The following TOP2B variants were observed in gnomAD, a reference collection of about 807,000 sequenced individuals.
The protein encoded by TOP2B is DNA topoisomerase II beta, also known as DNA topoisomerase 2-beta.
Under a neutral mutation model 193.5 loss-of-function variants are expected in TOP2B, and 51 were observed. The ratio of observed to expected loss-of-function variants is 0.26; its 90% CI spans 0.21 to 0.33. The LOEUF (loss-of-function observed/expected upper bound fraction) is 0.33. Ranked by LOEUF, TOP2B falls within the 10% of genes least tolerant of loss-of-function variation. TOP2B has a pLI of 1.00. For synonymous variants in TOP2B, 634 were observed against 635.7 expected (o/e 1.00, Z 0.04); for missense variants, 1,378 against 1,909.3 (o/e 0.72, Z 5.19).
At chr3:25,631,804 A>G (rs1480264737) in intron 10 of TOP2B, among the ~76,000 whole-genome samples, 1 of 152,084 alleles carries the variant, frequency 6.6e-6, no homozygotes, top group East Asian at 1.9e-4. Flanking sequence ...CTATTTCTAC[A>G]GGCCTTAAGT....
At chr3:25,639,138 A>G (rs1489432912) in intron 4 of TOP2B, among the ~76,000 whole-genome samples, 1 of 152,184 alleles carries the variant, frequency 6.6e-6, no homozygotes, top group African/African-American at 2.4e-5. Context: ...AAAGACATAA[A>G]ATAGTATATA....
intron 10 of TOP2B, 67 bp from the exon 11 acceptor site, chr3:25,631,006 G>A (rs1177582748): frequency 5.2e-6 from 7 of 1,354,662 alleles, no homozygotes; most frequent in Non-Finnish European, 4.9e-6. Flanking sequence ...AAATGTATAG[G>A]GCCTAATGCA....
rs951954452 is a variant in TOP2B at position 25,620,912 on chromosome 3, G to A, written c.2728-96C>T. 42 of 1,310,124 alleles carry A rather than the reference G, an allele frequency of 3.2e-5. 1 individual carries two copies. In the South Asian group the frequency reaches 6.2e-4, roughly 19 times the overall value. The allele number at this position is 1,310,124 out of a possible 1,614,324, so 81.2% of individuals were successfully genotyped here. ...TTGACAGATTAACACAACTGAAACAGAATTTCTCATCCTCAATTGTCCCTT... is the reference window on the plus strand; with the variant it reads ...TTGACAGATTAACACAACTGAAACAAAATTTCTCATCCTCAATTGTCCCTT... On this transcript the variant is annotated intron_variant, in intron 21 of 35. Coordinates refer to ENST00000264331, the MANE Select transcript of TOP2B (RefSeq NM_001330700.2).
chr3:25,648,827 A>C (rs1231059128), intron 1 of TOP2B, among the ~76,000 whole-genome samples: 1 of 152,156 alleles, frequency 6.6e-6, no homozygotes, highest in African/African-American at 2.4e-5. Context: ...ACACAACTGT[A>C]CTCCAGCCTG....
intron 18 of TOP2B, 35 bp downstream of exon 18, chr3:25,626,525 A>G (rs1049558139): frequency 1.7e-6 from 2 of 1,177,222 alleles, no homozygotes; most frequent in Non-Finnish European, 2.4e-6. Flanking sequence ...TATAGTAAAT[A>G]ACATTAAAAA....
chr3:25,651,123 C>T (rs1048899423), intron 1 of TOP2B, among the ~76,000 whole-genome samples: 1 of 152,046 alleles, frequency 6.6e-6, no homozygotes, highest in South Asian at 2.1e-4. Flanking sequence ...TATTTGTATA[C>T]AGACAAATAT....
intron 25 of TOP2B, among the ~76,000 whole-genome samples, chr3:25,616,428 A>AG (rs1702507236): frequency 6.6e-6 from 1 of 151,220 alleles, no homozygotes; most frequent in African/African-American, 2.4e-5. Flanking sequence ...AAAAAAAAAA[A>AG]GCTTTATAAT....
rs1701960291 is a variant in TOP2B, at chr3:25,598,039, T to TAACC, written c.*264_*267dup. 1 of 247,096 alleles carries TAACC rather than the reference T, an allele frequency of 4.0e-6. No individual in the cohort carries two copies. Among genetic ancestry groups the TAACC allele is most frequent in the Admixed American group, 5.4e-5 (1 of 18,388 alleles). 15.3% of individuals were successfully genotyped at this position (247,096 alleles called of 1,614,324 possible). The stretch of plus-strand genomic sequence containing the variant: ...TTTCAAAAAGCAGGTCTGTAGTTTG[T>TAACC]AACCATGACAATTAAAATCTGTGCT... On this transcript the variant is annotated 3_prime_UTR_variant, in exon 36 of 36. Coordinates refer to ENST00000264331, the MANE Select transcript of TOP2B (RefSeq NM_001330700.2).
At chr3:25,662,179 CTTAT>C (rs1328667900) in intron 1 of TOP2B, among the ~76,000 whole-genome samples, 1 of 152,146 alleles carries the variant, frequency 6.6e-6, no homozygotes, top group East Asian at 1.9e-4. Context: ...TCAATGCAAC[CTTAT>C]TTGACAGATA....
chr3:25,662,082 T>C (rs1024472019), intron 1 of TOP2B, among the ~76,000 whole-genome samples: 2 of 152,232 alleles, frequency 1.3e-5, no homozygotes, highest in Non-Finnish European at 2.9e-5. Flanking sequence ...CAATCTATTA[T>C]TTGAGTGTGC....
At chr3:25,601,342 G>A (rs1702089559) in intron 33 of TOP2B, 117 bp from the exon 34 acceptor site, 2 of 1,286,706 alleles carry the variant, frequency 1.6e-6, no homozygotes, top group Non-Finnish European at 2.1e-6. Flanking sequence ...GCCTGGCTGG[G>A]CGTGGTGGCT....
chr3:25,606,951 A>G (rs1326529249), intron 31 of TOP2B, among the ~76,000 whole-genome samples: 2 of 152,218 alleles, frequency 1.3e-5, no homozygotes, highest in Admixed American at 6.5e-5. Flanking sequence ...ACGAAGCCTA[A>G]AACATTTACT....
intron 4 of TOP2B, among the ~76,000 whole-genome samples, chr3:25,641,777 C>G (rs531262863): frequency 7.2e-4 from 110 of 152,110 alleles, no homozygotes; most frequent in African/African-American, 2.6e-3. Flanking sequence ...TAATATTTTA[C>G]AAAAGGCATG....
chr3:25,615,762 A>G (rs1344421188), intron 25 of TOP2B, 176 bp from the exon 26 acceptor site: 2 of 486,442 alleles, frequency 4.1e-6, no homozygotes, highest in Non-Finnish European at 6.6e-6. Context: ...AAAAAGTTTA[A>G]AATTTTCTAA....
chr3:25,602,598 A>C (rs1371847542), intron 33 of TOP2B, among the ~76,000 whole-genome samples: 1 of 151,892 alleles, frequency 6.6e-6, no homozygotes, highest in African/African-American at 2.4e-5. Flanking sequence ...GAGCAGGAGG[A>C]GCCCTAGGAA....
chr3:25,647,151 T>G (rs1703434415), intron 1 of TOP2B, among the ~76,000 whole-genome samples: 2 of 152,196 alleles, frequency 1.3e-5, no homozygotes, highest in Non-Finnish European at 2.9e-5. Flanking sequence ...AAATACCAGA[T>G]AGTCTTCAAA....
In TOP2B at chr3:25,664,680, G is replaced by A; in HGVS notation, c.-383C>T. 2.0e-6 allele frequency: 2 copies of A among 985,028 alleles called. No individual in the cohort carries two copies. The highest frequency in any genetic ancestry group is 2.4e-6 in the Non-Finnish European group (2 of 829,784). 61.0% of individuals were successfully genotyped at this position (985,028 alleles called of 1,614,324 possible). On this transcript the variant is annotated 5_prime_UTR_variant, in exon 1 of 36. Transcript: ENST00000264331. ...GCGGCCGGGGAGCCCGAGGCGCTCG[G>A]ACGTGGCGAGGACGCAGAGGTGCCT...
chr3:25,652,019 C>T (rs1397765662), intron 1 of TOP2B, among the ~76,000 whole-genome samples: 5 of 152,102 alleles, frequency 3.3e-5, no homozygotes, highest in Admixed American at 3.3e-4. Flanking sequence ...AAAGATATTC[C>T]AGAAAACTGG....
chr3:25,654,315 A>T (rs1426524476), intron 1 of TOP2B, among the ~76,000 whole-genome samples: 1 of 152,212 alleles, frequency 6.6e-6, no homozygotes, highest in Non-Finnish European at 1.5e-5. Flanking sequence ...AAAGGAAATT[A>T]TGAAAACAAT....
Sources: allele counts gnomAD v4.1 joint callset (sites outside exome capture counted in the v4.1 genomes callset), GRCh38; gene constraint gnomAD v4.1.1; transcripts MANE v1.5; gene names NCBI Gene and HGNC (gene_info 2026-07-23, HGNC 2026-07-21).